Variants in HSPA12A observed in about 807,000 individuals in gnomAD.
HSPA12A encodes heat shock 70 kDa protein 12A.
A neutral mutation model predicts 69.2 loss-of-function variants in HSPA12A; 28 were observed. The observed-to-expected ratio is 0.40, with a 90% CI of 0.30 to 0.55. The LOEUF (loss-of-function observed/expected upper bound fraction) is 0.55. Among genes scored for constraint, HSPA12A ranks in the 20% least tolerant of loss-of-function variants. HSPA12A has a pLI of 0.38. For missense variants in HSPA12A, 686 were observed against 900.7 expected (o/e 0.76, Z 3.05); for synonymous variants, 345 against 370.5 (o/e 0.93, Z 0.79).
intron 2 of HSPA12A, among the ~76,000 whole-genome samples, chr10:116,834,657 G>T (rs931702449): frequency 6.6e-6 from 1 of 152,188 alleles, no homozygotes; most frequent in Non-Finnish European, 1.5e-5. Context: ...ATCTGTGCGT[G>T]TGAGTGTGGC....
rs1021636843 is a variant in HSPA12A at position 116,824,248 on chromosome 10, A to G, written c.91+10687T>C. The stretch of plus-strand genomic sequence containing the variant: ...AGGATGACTATAATCAAAAAGACAG[A>G]TAATGCAAAGTGTTGGAAATGATGT... On this transcript the variant is annotated intron_variant, in intron 2 of 12. Transcript: ENST00000635765. 3.9e-5 allele frequency among the ~76,000 whole-genome samples: 6 copies of G among 152,228 alleles called. No homozygotes were observed. In the East Asian group the frequency reaches 5.8e-4, roughly 15 times the overall value.
At chr10:116,814,239 G>C (rs1182015741) in intron 2 of HSPA12A, among the ~76,000 whole-genome samples, 1 of 152,190 alleles carries the variant, frequency 6.6e-6, no homozygotes, top group Non-Finnish European at 1.5e-5. Context: ...TGAATCAATA[G>C]AAAATACTCA....
At chr10:116,765,147 G>A (rs1283152358) in intron 2 of HSPA12A, among the ~76,000 whole-genome samples, 1 of 152,142 alleles carries the variant, frequency 6.6e-6, no homozygotes, top group Non-Finnish European at 1.5e-5. Context: ...GAACAGCTTA[G>A]TTCTGTTCTC....
At chr10:116,769,385 C>T (rs1472953970) in intron 2 of HSPA12A, among the ~76,000 whole-genome samples, 1 of 152,192 alleles carries the variant, frequency 6.6e-6, no homozygotes, top group African/African-American at 2.4e-5. Context: ...ACCCAGCTGC[C>T]AAGCAGTGGG....
intron 1 of HSPA12A, among the ~76,000 whole-genome samples, chr10:116,719,008 T>C (rs758370): frequency 0.81 from 123,598 of 151,964 alleles, 51,831 homozygotes; most frequent in Non-Finnish European, 0.92. Flanking sequence ...CGAAGTGCAG[T>C]GGCCATGGAC....
chr10:116,794,221 TAAATAA>T (rs1269618371), intron 2 of HSPA12A, among the ~76,000 whole-genome samples: 2 of 151,572 alleles, frequency 1.3e-5, no homozygotes, highest in Non-Finnish European at 2.9e-5. Flanking sequence ...AAAAAATAAA[TAAATAA>T]AAATAAAAAT....
chr10:116,802,462 G>A (rs77131799), intron 2 of HSPA12A, among the ~76,000 whole-genome samples: 3,994 of 152,308 alleles, frequency 0.026, 170 homozygotes, highest in African/African-American at 0.09. Flanking sequence ...GAACACTTGA[G>A]AGGATGCACC....
chr10:116,709,627 T>C (rs1002753992), intron 1 of HSPA12A, among the ~76,000 whole-genome samples: 4 of 152,092 alleles, frequency 2.6e-5, no homozygotes, highest in Non-Finnish European at 5.9e-5. Context: ...ATTCCACTTA[T>C]AGGAAATCTC....
intron 2 of HSPA12A, 124 bp from the exon 3 acceptor site, chr10:116,705,402 TC>T: frequency 8.5e-7 from 1 of 1,174,084 alleles, no homozygotes; most frequent in Non-Finnish European, 1.2e-6. Context: ...CATTCTATAT[TC>T]CAGCTCAAGT....
At chr10:116,791,656 C>T (rs1844703236) in intron 2 of HSPA12A, among the ~76,000 whole-genome samples, 1 of 152,118 alleles carries the variant, frequency 6.6e-6, no homozygotes, top group Non-Finnish European at 1.5e-5. Flanking sequence ...AAATTTTACC[C>T]AATTCAAGTT....
intron 2 of HSPA12A, among the ~76,000 whole-genome samples, chr10:116,817,264 C>G (rs1358195651): frequency 6.6e-6 from 1 of 152,048 alleles, no homozygotes; most frequent in African/African-American, 2.4e-5. Flanking sequence ...CTAGAAGTTT[C>G]TGAGGTCTAA....
chr10:116,707,610 G>T (rs934095598), intron 1 of HSPA12A, among the ~76,000 whole-genome samples: 2 of 152,204 alleles, frequency 1.3e-5, no homozygotes, highest in Non-Finnish European at 2.9e-5. Flanking sequence ...GTTGTCTGTG[G>T]AGCCAGAGGC....
At chr10:116,743,536 G>A (rs1851579574), upstream of HSPA12A, among the ~76,000 whole-genome samples, 1 of 152,208 alleles carries the variant, frequency 6.6e-6, no homozygotes. Context: ...GATCGGCAGG[G>A]TTACAATATC....
chr10:116,828,314 G>A (rs185526617), intron 2 of HSPA12A, among the ~76,000 whole-genome samples: 1 of 152,268 alleles, frequency 6.6e-6, no homozygotes, highest in East Asian at 1.9e-4. Flanking sequence ...AAGCTTTACT[G>A]CATGTGAATT....
intron 2 of HSPA12A, among the ~76,000 whole-genome samples, chr10:116,791,623 C>G (rs112526111): frequency 2.0e-5 from 3 of 152,256 alleles, no homozygotes; most frequent in African/African-American, 7.2e-5. Context: ...TACCTTATTA[C>G]TAATTAGTAA....
intron 8 of HSPA12A, 132 bp from the exon 9 acceptor site, chr10:116,681,388 T>C (rs540179113): frequency 1.4e-6 from 1 of 692,686 alleles, no homozygotes; most frequent in East Asian, 2.7e-5. Context: ...TTTTGCTAAT[T>C]AGCAGCTCTA....
intron 2 of HSPA12A, among the ~76,000 whole-genome samples, chr10:116,804,129 C>T (rs1433017526): frequency 7.2e-5 from 11 of 152,172 alleles, no homozygotes; most frequent in Admixed American, 7.2e-4. Context: ...CTCCCTCCCT[C>T]TTGTCCTTCC....
rs77174958 is a variant in HSPA12A at position 116,828,570 on chromosome 10, C to A, written c.91+6365G>T. Among the ~76,000 whole-genome samples, 194 of 152,340 alleles carry A rather than the reference C, an allele frequency of 1.3e-3. 1 individual carries two copies. Among genetic ancestry groups the A allele is most frequent in the East Asian group, 9.3e-3 (48 of 5,182 alleles). ...GCATGCTTCACAGTTAGTTGCCTTG[C>A]AGAACCCCAAAGGGAGGACCACCTA... On this transcript the variant is annotated intron_variant, in intron 2 of 12. Coordinates refer to the HSPA12A transcript ENST00000635765.
chr10:116,738,377 T>TAA (rs200907680), intron 1 of HSPA12A, among the ~76,000 whole-genome samples: 5 of 150,680 alleles, frequency 3.3e-5, no homozygotes, highest in African/African-American at 1.2e-4. Flanking sequence ...GTGTCCTTAG[T>TAA]AAAAAAAAAT....
Sources: gnomAD v4.1 joint callset for allele counts (sites outside exome capture counted in the v4.1 genomes callset) on GRCh38, gnomAD v4.1.1 for gene constraint, MANE v1.5 for transcripts, NCBI Gene and HGNC (gene_info 2026-07-23, HGNC 2026-07-21) for gene names.